The following ARHGAP22 variants were observed in gnomAD, a reference collection of about 807,000 sequenced individuals.
ARHGAP22 encodes Rho GTPase activating protein 22.
ARHGAP22 carries 48 observed loss-of-function variants against 59.1 expected under a neutral mutation model. That is an observed-to-expected ratio of 0.81 (90% CI 0.64 to 1.03). The LOEUF is 1.03. ARHGAP22 is among the 50% of genes least tolerant of loss of function. The probability of loss-of-function intolerance (pLI) is 0.00; values close to 1 mark genes in which losing one functional copy is unlikely to be tolerated. For synonymous variants in ARHGAP22, 445 were observed against 416.4 expected, an observed-to-expected ratio of 1.07 and a Z score of -0.84; for missense variants, 1,015 against 958.7, an observed-to-expected ratio of 1.06 and a Z score of -0.78.
intron 1 of ARHGAP22, among the ~76,000 whole-genome samples, chr10:48,646,316 T>TG (rs2062295229): frequency 1.3e-5 from 2 of 152,196 alleles, no homozygotes. Context: ...AAACATTTTA[T>TG]GGGGTGGAGA....
intron 1 of ARHGAP22, among the ~76,000 whole-genome samples, chr10:48,622,772 G>C (rs1025556325): frequency 6.6e-6 from 1 of 152,180 alleles, no homozygotes; most frequent in Non-Finnish European, 1.5e-5. Context: ...AGAATTTAAA[G>C]TGTGTAGCAT....
chr10:48,444,714 A>G (rs1464711686), downstream of ARHGAP22: 1 of 152,192 alleles, frequency 6.6e-6, no homozygotes, highest in Admixed American at 6.5e-5. Flanking sequence ...AGAAAACTCA[A>G]CAGGGTCATC....
intron 2 of ARHGAP22, 145 bp downstream of exon 2, chr10:48,582,808 A>T: frequency 1.1e-6 from 1 of 911,048 alleles, no homozygotes; most frequent in Non-Finnish European, 1.6e-6. Flanking sequence ...GGGGATAAGA[A>T]TGAAAATTAC....
intron 3 of ARHGAP22, among the ~76,000 whole-genome samples, chr10:48,536,989 A>T (rs74922682): frequency 0.027 from 3,895 of 146,960 alleles, 153 homozygotes; most frequent in African/African-American, 0.092. Context: ...GCCACTCAAT[A>T]AAAAAAAAAC....
intron 9 of ARHGAP22, among the ~76,000 whole-genome samples, chr10:48,449,559 G>A (rs887363267): frequency 6.6e-6 from 1 of 152,220 alleles, no homozygotes. Context: ...CAGGTGAACA[G>A]GTCGGCCAGC....
At chr10:48,464,891 G>A (rs915983280) in intron 4 of ARHGAP22, among the ~76,000 whole-genome samples, 3 of 152,170 alleles carry the variant, frequency 2.0e-5, no homozygotes, top group Admixed American at 6.5e-5. Context: ...TTCCCAGCTG[G>A]CCACTGGAAC....
chr10:48,605,121 C>G (rs1466594678), upstream of ARHGAP22: 6 of 1,221,114 alleles, frequency 4.9e-6, no homozygotes, highest in East Asian at 2.1e-4. Context: ...GCACGCGTGG[C>G]TGTCCAAGCT....
At chr10:48,623,227 C>T (rs1261843143) in intron 1 of ARHGAP22, among the ~76,000 whole-genome samples, 2 of 152,168 alleles carry the variant, frequency 1.3e-5, no homozygotes, top group Non-Finnish European at 2.9e-5. Flanking sequence ...CTGACAGTCC[C>T]TGGTTCAAGT....
intron 3 of ARHGAP22, among the ~76,000 whole-genome samples, chr10:48,554,424 T>C (rs2135306619): frequency 1.3e-5 from 2 of 152,264 alleles, no homozygotes; most frequent in Middle Eastern, 6.8e-3. Context: ...TGGGCCACAG[T>C]GAGGCCCTAG....
intron 1 of ARHGAP22, among the ~76,000 whole-genome samples, chr10:48,647,378 A>G (rs1419374978): frequency 6.6e-6 from 1 of 152,236 alleles, no homozygotes; most frequent in Non-Finnish European, 1.5e-5. Context: ...GGGCGACAAG[A>G]GCAAAACTCA....
At chr10:48,572,488 G>A (rs746279091) in intron 2 of ARHGAP22, among the ~76,000 whole-genome samples, 18 of 152,208 alleles carry the variant, frequency 1.2e-4, no homozygotes, top group Non-Finnish European at 4.4e-5. Context: ...GGGCCTTCAT[G>A]TCCCTGCTTC....
chr10:48,568,110 C>T (rs1426238733), intron 2 of ARHGAP22, among the ~76,000 whole-genome samples: 1 of 152,168 alleles, frequency 6.6e-6, no homozygotes, highest in Non-Finnish European at 1.5e-5. Context: ...TACTTTGACT[C>T]TGGGGACCTT....
intron 3 of ARHGAP22, among the ~76,000 whole-genome samples, chr10:48,528,255 T>G (rs2054512283): frequency 6.6e-6 from 1 of 152,074 alleles, no homozygotes; most frequent in Non-Finnish European, 1.5e-5. Context: ...CCCCAGAATA[T>G]CCAAGGCACC....
chr10:48,432,543 T>C, the ARHGAP22 span, among the ~76,000 whole-genome samples: 1 of 152,212 alleles, frequency 6.6e-6, no homozygotes, highest in Non-Finnish European at 1.5e-5. Context: ...ATGCTTTGTG[T>C]AATTAATTAG....
chr10:48,472,140 A>G (rs959866706), intron 4 of ARHGAP22, among the ~76,000 whole-genome samples: 1 of 147,962 alleles, frequency 6.8e-6, no homozygotes, highest in Non-Finnish European at 1.5e-5. Flanking sequence ...CCGGGGGGGA[A>G]GAGGTTGCGT....
chr10:48,557,779 C>A (rs1428139756), intron 2 of ARHGAP22, among the ~76,000 whole-genome samples: 1 of 152,212 alleles, frequency 6.6e-6, no homozygotes, highest in Non-Finnish European at 1.5e-5. Flanking sequence ...TAGCACTGGC[C>A]CTCGGCTGCC....
intron 2 of ARHGAP22, among the ~76,000 whole-genome samples, chr10:48,577,918 C>T (rs966451662): frequency 1.6e-4 from 24 of 145,952 alleles, no homozygotes; most frequent in Admixed American, 3.6e-4. Context: ...AAGCAAGTCT[C>T]CTGTCTCAGC....
chr10:48,446,117 C>A lies in ARHGAP22; in HGVS notation c.*274G>T. The A allele has an allele frequency of 2.1e-6, 1 of 478,146 alleles. No homozygotes were observed. 29.6% of individuals were successfully genotyped at this position (478,146 alleles called of 1,614,324 possible). On this transcript the variant is annotated 3_prime_UTR_variant, in exon 10 of 10. Coordinates refer to ENST00000249601, the MANE Select transcript of ARHGAP22 (RefSeq NM_021226.4). ...CCTGGGCGCCCTCCATTTCTGTGGC[C>A]ATGAAGGATATTTCCTGGGTAAGGG...
At chr10:48,438,346 T>C in the ARHGAP22 span, 1 of 152,222 alleles carries the variant, frequency 6.6e-6, no homozygotes, top group Non-Finnish European at 1.5e-5. Flanking sequence ...TAATTTTTCC[T>C]TAATAGCAAG....
Sources: gnomAD v4.1 joint callset for allele counts (sites outside exome capture counted in the v4.1 genomes callset) on GRCh38, gnomAD v4.1.1 for gene constraint, MANE v1.5 for transcripts, NCBI Gene and HGNC (gene_info 2026-07-23, HGNC 2026-07-21) for gene names.